Variants in NTM observed in about 807,000 individuals in gnomAD.
NTM encodes the protein neurotrimin.
A neutral mutation model predicts 42.1 loss-of-function variants in NTM; 13 were observed. The observed-to-expected ratio is 0.31, with a 90% confidence interval of 0.20 to 0.49. The LOEUF is 0.49. NTM is among the 20% of genes least tolerant of loss of function. The pLI is 0.99. For missense variants in NTM, 373 were observed against 452.8 expected, an observed-to-expected ratio of 0.82 and a Z score of 1.60; for synonymous variants, 187 against 179.2, an observed-to-expected ratio of 1.04 and a Z score of -0.35.
chr11:131,376,111 G>A (rs1001565407), intron 1 of NTM, among the ~76,000 whole-genome samples: 1 of 152,188 alleles, frequency 6.6e-6, no homozygotes, highest in Admixed American at 6.5e-5. Flanking sequence ...GGAGAAGGAG[G>A]GGAGAGCCTG....
At chr11:132,058,051 T>G (rs1446311063) in intron 2 of NTM, among the ~76,000 whole-genome samples, 4 of 152,204 alleles carry the variant, frequency 2.6e-5, no homozygotes, top group Non-Finnish European at 5.9e-5. Context: ...TACAGTCCTA[T>G]TCTCCTTTCC....
intron 4 of NTM, among the ~76,000 whole-genome samples, chr11:132,283,137 C>T (rs1474005901): frequency 6.6e-6 from 1 of 151,712 alleles, no homozygotes; most frequent in Non-Finnish European, 1.5e-5. Context: ...CAGGCACGTG[C>T]CACCATGCCC....
At chr11:132,327,632 C>T in intron 7 of NTM, among the ~76,000 whole-genome samples, 1 of 152,198 alleles carries the variant, frequency 6.6e-6, no homozygotes, top group East Asian at 1.9e-4. Context: ...CAGCCCTTTG[C>T]TTATCTGGAC....
intron 1 of NTM, among the ~76,000 whole-genome samples, chr11:131,479,925 A>T (rs1466222419): frequency 6.6e-6 from 1 of 152,220 alleles, no homozygotes; most frequent in Non-Finnish European, 1.5e-5. Context: ...ATGTTAAAAA[A>T]GTATTAACAA....
At chr11:131,409,953 A>T (rs1391621951) in intron 1 of NTM, among the ~76,000 whole-genome samples, 2 of 152,204 alleles carry the variant, frequency 1.3e-5, no homozygotes. Context: ...AATACAAAAA[A>T]GCAAGGAAGA....
chr11:131,635,214 C>A (rs1443060512), intron 1 of NTM, among the ~76,000 whole-genome samples: 1 of 152,176 alleles, frequency 6.6e-6, no homozygotes, highest in Admixed American at 6.5e-5. Context: ...AAGAGTGACA[C>A]CTTCTCAAGA....
intron 1 of NTM, among the ~76,000 whole-genome samples, chr11:131,627,163 G>A (rs1246965379): frequency 6.6e-6 from 1 of 151,996 alleles, no homozygotes; most frequent in East Asian, 1.9e-4. Context: ...GCTCTCCCAG[G>A]TGTTTCTTCT....
At chr11:132,219,918 C>T (rs2084794459) in intron 4 of NTM, among the ~76,000 whole-genome samples, 1 of 152,114 alleles carries the variant, frequency 6.6e-6, no homozygotes, top group African/African-American at 2.4e-5. Flanking sequence ...CAACTCAGTC[C>T]ATTGCCAAAA....
chr11:131,744,875 G>A (rs973055149), intron 1 of NTM, among the ~76,000 whole-genome samples: 2 of 152,098 alleles, frequency 1.3e-5, no homozygotes, highest in Admixed American at 6.5e-5. Context: ...TGCAGCGTTC[G>A]TATCACATCT....
intron 1 of NTM, among the ~76,000 whole-genome samples, chr11:131,494,357 G>A (rs1352005403): frequency 2.0e-5 from 3 of 152,192 alleles, no homozygotes; most frequent in Non-Finnish European, 2.9e-5. Flanking sequence ...ACACAATAGA[G>A]TACGGTAGGA....
At chr11:132,265,117 A>G (rs1364521433) in intron 4 of NTM, among the ~76,000 whole-genome samples, 1 of 152,218 alleles carries the variant, frequency 6.6e-6, no homozygotes, top group African/African-American at 2.4e-5. Flanking sequence ...CTTGGAGCAA[A>G]TAATTTTCAC....
chr11:131,690,194 A>C (rs1348783446), intron 1 of NTM, among the ~76,000 whole-genome samples: 1 of 152,198 alleles, frequency 6.6e-6, no homozygotes, highest in Non-Finnish European at 1.5e-5. Flanking sequence ...AGAGAAAAGT[A>C]TGACACGCAG....
chr11:131,430,750 C>T (rs769696088), intron 1 of NTM, among the ~76,000 whole-genome samples: 1 of 152,248 alleles, frequency 6.6e-6, no homozygotes, highest in African/African-American at 2.4e-5. Context: ...CTGCCCCCCA[C>T]CATGGGCCTT....
intron 1 of NTM, among the ~76,000 whole-genome samples, chr11:131,814,974 G>T (rs370737682): frequency 6.6e-5 from 10 of 151,864 alleles, no homozygotes; most frequent in African/African-American, 2.4e-4. Context: ...AACACACTGC[G>T]GGCCATGGAT....
chr11:131,597,933 CAA>C (rs1248646474), intron 1 of NTM, among the ~76,000 whole-genome samples: 5 of 152,170 alleles, frequency 3.3e-5, no homozygotes, highest in Non-Finnish European at 7.4e-5. Context: ...TAGAAAATCC[CAA>C]AGAGAGACCA....
intron 1 of NTM, among the ~76,000 whole-genome samples, chr11:131,677,534 A>G (rs532590447): frequency 6.6e-6 from 1 of 152,234 alleles, no homozygotes; most frequent in Admixed American, 6.5e-5. Flanking sequence ...ATACGCAGCC[A>G]TACATGACCC....
intron 4 of NTM, among the ~76,000 whole-genome samples, chr11:132,242,830 G>T (rs964093885): frequency 2.0e-5 from 3 of 152,184 alleles, no homozygotes; most frequent in Non-Finnish European, 4.4e-5. Flanking sequence ...GTCAACATCA[G>T]GTTGTTTCAG....
intron 7 of NTM, among the ~76,000 whole-genome samples, chr11:132,320,926 C>A (rs931745790): frequency 8.6e-5 from 13 of 151,540 alleles, no homozygotes; most frequent in African/African-American, 3.2e-4. Context: ...ACTGACACCT[C>A]ACACTGCAGG....
intron 1 of NTM, among the ~76,000 whole-genome samples, chr11:131,707,242 T>C (rs114173162): frequency 0.012 from 1,885 of 152,214 alleles, 34 homozygotes; most frequent in African/African-American, 0.043. Flanking sequence ...AGTAAGATCA[T>C]GCAGTATTTG....
Sources: allele counts gnomAD v4.1 joint callset (sites outside exome capture counted in the v4.1 genomes callset), GRCh38; gene constraint gnomAD v4.1.1; transcripts MANE v1.5; gene names NCBI Gene and HGNC (gene_info 2026-07-23, HGNC 2026-07-21).